BAHCC1: variants seen among roughly 807,000 people sequenced by gnomAD.
BAHCC1 encodes BAH domain and coiled-coil containing 1.
In BAHCC1, 43 loss-of-function variants were observed where a neutral mutation model predicts 88.2. The observed-to-expected ratio is 0.49, with a 90% CI of 0.38 to 0.63. The LOEUF (loss-of-function observed/expected upper bound fraction) is 0.63, where lower values mean the gene tolerates loss of function less well. Ranked by LOEUF, BAHCC1 falls within the 20% of genes least tolerant of loss-of-function variation. The pLI, the probability that BAHCC1 is intolerant of heterozygous loss-of-function variation, is 0.00. For synonymous variants in BAHCC1, 1,510 were observed against 745.5 expected (o/e 2.03, Z -16.71); for missense variants, 3,023 against 1,654.8 (o/e 1.83, Z -14.34).
intron 2 of BAHCC1, among the ~76,000 whole-genome samples, chr17:81,420,587 G>A (rs1555649479): frequency 5.3e-5 from 8 of 152,232 alleles, no homozygotes; most frequent in African/African-American, 7.2e-5. Flanking sequence ...GCTGTCTCCC[G>A]AAACCATTTC....
intron 3 of BAHCC1, 85 bp from the exon 4 acceptor site, chr17:81,438,285 C>CGGCT (rs2064363941): frequency 1.3e-6 from 1 of 747,028 alleles, no homozygotes; most frequent in Non-Finnish European, 2.5e-6. Flanking sequence ...GGCTGCCTGC[C>CGGCT]GGCTTCTTGC....
At position 81,461,379 on chromosome 17, in the gene BAHCC1, G is replaced by A. The variant is rs568303955; in HGVS notation, c.6716G>A (p.Arg2239Gln). ...GDKDFSPKLG[R>Q]PLPSPSYVHP... ...AAGGACTTCAGCCCCAAGCTCGGGC[G>A]GCCCCTGCCCAGCCCCAGCTATGTG... Residue 2239 changes from arginine (R) to glutamine (Q), a missense_variant, in exon 26 of 28, where the codon CGG (arginine) becomes CAG (glutamine). Arg to Gln is a conservative substitution (Grantham distance 43). Coordinates refer to ENST00000675386, the MANE Select transcript of BAHCC1 (RefSeq NM_001377448.1). 1.5e-5 allele frequency: 11 copies of A among 721,658 alleles called. No homozygotes were observed. Among genetic ancestry groups the A allele is most frequent in the African/African-American group, 5.2e-5 (3 of 58,196 alleles). The allele number at this position is 721,658 out of a possible 1,614,324, so 44.7% of individuals were successfully genotyped here.
Position 81,461,913 on chromosome 17 carries a change from A to G in BAHCC1, c.7250A>G (p.Lys2417Arg), listed in dbSNP as rs1555659616. 1.3e-6 allele frequency: 1 copy of G among 748,414 alleles called. No homozygotes were observed. Among genetic ancestry groups the G allele is most frequent in the Non-Finnish European group, 2.5e-6 (1 of 402,956 alleles). The allele number at this position is 748,414 out of a possible 1,614,324, so 46.4% of individuals were successfully genotyped here. A position where few individuals can be genotyped will look rare whatever the true frequency, so the allele number is the denominator to read the frequency against. Reference sequence around the variant, plus strand: ...AGCAGCAAATCCAAGCTCAAGCGCAAAGAGGCCCTGAGCTTCTCCAAAGCC... The same window carrying G: ...AGCAGCAAATCCAAGCTCAAGCGCAGAGAGGCCCTGAGCTTCTCCAAAGCC... ...SSSSKSKLKRKEALSFSKAKE... is the reference protein window; with the variant it reads ...SSSSKSKLKRREALSFSKAKE... Residue 2417 changes from lysine to arginine, a missense_variant, in exon 26 of 28, where the codon AAA becomes AGA. Lys to Arg is a conservative substitution (Grantham distance 26). Coordinates refer to ENST00000675386, the MANE Select transcript of BAHCC1 (RefSeq NM_001377448.1).
Position 81,443,399 on chromosome 17 carries a change from G to T in BAHCC1, c.2050G>T (p.Ala684Ser), listed in dbSNP as rs782206539. 7.8e-6 allele frequency: 6 copies of T among 772,346 alleles called. No individual in the cohort carries two copies. The highest frequency in any genetic ancestry group is 1.2e-5 in the Non-Finnish European group (5 of 414,566). The allele number at this position is 772,346 out of a possible 1,614,324, so 47.8% of individuals were successfully genotyped here. ...AGGCCAGTCGGAGAGGCCGGACTGT[G>T]CCCGCAGCAGGGAGCACGACACCAC... ...GPGQSERPDC[A>S]RSREHDTTHG... Residue 684 changes from alanine (A) to serine (S), a missense_variant, in exon 5 of 28, where the codon GCC (alanine) becomes TCC (serine). Transcript: ENST00000675386.
intron 2 of BAHCC1, among the ~76,000 whole-genome samples, chr17:81,409,018 C>T (rs191247822): frequency 6.6e-6 from 1 of 152,254 alleles, no homozygotes; most frequent in Non-Finnish European, 1.5e-5. Context: ...GGATTTCACC[C>T]CCACACCGGA....
chr17:81,456,133 C>T (rs1157045270), intron 15 of BAHCC1, 164 bp from the exon 16 acceptor site: 3 of 568,434 alleles, frequency 5.3e-6, no homozygotes, highest in South Asian at 2.3e-5. Flanking sequence ...AGGGGCAGGC[C>T]CTGTGTCTCT....
intron 2 of BAHCC1, among the ~76,000 whole-genome samples, chr17:81,407,594 G>A (rs1315581440): frequency 1.2e-4 from 18 of 152,352 alleles, no homozygotes; most frequent in African/African-American, 3.4e-4. Flanking sequence ...GTGGGAGAAG[G>A]GGCTGCGCTG....
At position 81,462,862 on chromosome 17, in the gene BAHCC1, C is replaced by T; in HGVS notation, c.7506C>T (p.Tyr2502=). 1.3e-6 allele frequency: 1 copy of T among 783,458 alleles called. No individual in the cohort carries two copies. Among genetic ancestry groups the T allele is most frequent in the Admixed American group, 1.7e-5 (1 of 59,054 alleles). 48.5% of individuals were successfully genotyped at this position (783,458 alleles called of 1,614,324 possible). A position where few individuals can be genotyped will look rare whatever the true frequency, so the allele number is the denominator to read the frequency against. Reference sequence around the variant, plus strand: ...CAGCTGGGCGGCCCAACCTCCCCTACATCGGCCGCATCGAGAGCATGTGGG... The same window carrying T: ...CAGCTGGGCGGCCCAACCTCCCCTATATCGGCCGCATCGAGAGCATGTGGG... ...FLSAGRPNLP[Y]IGRIESMWES... is the part of the protein sequence containing the mutation. The change falls in exon 27 of 28, where the codon TAC becomes TAT. Residue 2502 remains tyrosine, a synonymous_variant. Coordinates refer to ENST00000675386, the MANE Select transcript of BAHCC1 (RefSeq NM_001377448.1).
In BAHCC1 at chr17:81,447,269, A is replaced by AC; in HGVS notation, c.3402dup (p.Tyr1135LeufsTer80). On this transcript the variant is annotated frameshift_variant, in exon 11 of 28. Coordinates refer to ENST00000675386, the MANE Select transcript of BAHCC1 (RefSeq NM_001377448.1). LOFTEE classifies it high-confidence loss of function. Reference sequence around the variant, plus strand: ...GGAGGCCACCCAGGACCTTGCCGCCACCCCCTACCCTACCGAGCGGGGACC... The same window carrying AC: ...GGAGGCCACCCAGGACCTTGCCGCCACCCCCCTACCCTACCGAGCGGGGACC... 1 of 704,652 alleles carries AC rather than the reference A, an allele frequency of 1.4e-6. No homozygotes were observed. Among genetic ancestry groups the AC allele is most frequent in the Non-Finnish European group, 2.6e-6 (1 of 385,306 alleles). 43.6% of individuals were successfully genotyped at this position (704,652 alleles called of 1,614,324 possible). A position where few individuals can be genotyped will look rare whatever the true frequency, so the allele number is the denominator to read the frequency against.
intron 3 of BAHCC1, among the ~76,000 whole-genome samples, chr17:81,432,885 TC>T (rs1200696970): frequency 0.02 from 82 of 4,048 alleles, 7 homozygotes; most frequent in African/African-American, 0.12. Flanking sequence ...AGGCCCAACC[TC>T]CCCCCCCATC....
At chr17:81,397,492 C>T (rs1024638711) in intron 1 of BAHCC1, among the ~76,000 whole-genome samples, 3 of 152,146 alleles carry the variant, frequency 2.0e-5, no homozygotes, top group Admixed American at 2.0e-4. Flanking sequence ...GCGCAGCCCC[C>T]GGCCCCTCTC....
chr17:81,412,701 T>G (rs1389702998), intron 2 of BAHCC1, among the ~76,000 whole-genome samples: 2 of 152,228 alleles, frequency 1.3e-5, no homozygotes, highest in Non-Finnish European at 2.9e-5. Context: ...CCCCACCCTG[T>G]GGCTCTGTCT....
Position 81,444,269 on chromosome 17 carries a change from G to T in BAHCC1, c.2325-112G>T, listed in dbSNP as rs545692959. 1.3e-3 allele frequency: 831 copies of T among 637,122 alleles called. 11 individuals are homozygous for T. The South Asian group carries it at 0.014, about 11-fold the overall frequency. 39.5% of individuals were successfully genotyped at this position (637,122 alleles called of 1,614,324 possible). A position where few individuals can be genotyped will look rare whatever the true frequency, so the allele number is the denominator to read the frequency against. On this transcript the variant is annotated intron_variant, in intron 6 of 27. Coordinates refer to ENST00000675386, the MANE Select transcript of BAHCC1 (RefSeq NM_001377448.1). ...GGGTGGGACAGGGAGTCAGGCATTG[G>T]CACCGTTGGTGGGGCTGAGCCCCAG...
At position 81,458,961 on chromosome 17, in the gene BAHCC1, C is replaced by T. The variant is rs1555658355; in HGVS notation, c.5597C>T (p.Ala1866Val). Residue 1866 changes from alanine to valine, a missense_variant, in exon 20 of 28, where the codon GCC becomes GTC. Transcript: ENST00000675386. The stretch of plus-strand genomic sequence containing the variant: ...GGCCCTCTGAGCGCAGAGCAGAGCG[C>T]CGCCCTAGGTGAGCAGGGCCAGGAA... ...DSGPLSAEQS[A>V]ALARSCAIHK... is the part of the protein sequence containing the mutation. The T allele has an allele frequency of 2.7e-6, 2 of 738,408 alleles. No individual in the cohort carries two copies. Among genetic ancestry groups the T allele is most frequent in the South Asian group, 1.4e-5 (1 of 69,966 alleles). The allele number at this position is 738,408 out of a possible 1,614,324, so 45.7% of individuals were successfully genotyped here.
intron 14 of BAHCC1, 104 bp downstream of exon 14, chr17:81,452,955 G>T: frequency 1.6e-6 from 1 of 611,570 alleles, no homozygotes. Context: ...GGCTGCTGGT[G>T]CCCCTTCACA....
At position 81,459,542 on chromosome 17, in the gene BAHCC1, C is replaced by T. The variant is rs782425010; in HGVS notation, c.5843C>T (p.Thr1948Met). The T allele has an allele frequency of 1.0e-5, 8 of 779,520 alleles. No individual in the cohort carries two copies. The highest frequency in any genetic ancestry group is 3.4e-5 in the African/African-American group (2 of 59,120). 48.3% of individuals were successfully genotyped at this position (779,520 alleles called of 1,614,324 possible). Residue 1948 changes from threonine to methionine, a missense_variant, in exon 23 of 28, where the codon ACG becomes ATG. Physicochemically the swap from Thr to Met is moderately conservative, Grantham distance 81. Coordinates refer to ENST00000675386, the MANE Select transcript of BAHCC1 (RefSeq NM_001377448.1). ...PQSSRYLPPGTRVCAYWSQKS... is the reference protein window; with the variant it reads ...PQSSRYLPPGMRVCAYWSQKS... ...TCCAGCCGGTACCTCCCGCCCGGCACGCGGGTCTGCGCCTACTGGAGTCAG... is the reference window on the plus strand; with the variant it reads ...TCCAGCCGGTACCTCCCGCCCGGCATGCGGGTCTGCGCCTACTGGAGTCAG...
intron 3 of BAHCC1, among the ~76,000 whole-genome samples, chr17:81,429,414 C>T (rs1047925819): frequency 3.3e-5 from 5 of 152,354 alleles, no homozygotes; most frequent in Middle Eastern, 6.8e-3. Context: ...GCCACGCAGC[C>T]GTGCTCCCCG....
chr17:81,427,731 G>A (rs1248902679), intron 3 of BAHCC1, among the ~76,000 whole-genome samples: 6 of 152,196 alleles, frequency 3.9e-5, no homozygotes, highest in African/African-American at 1.4e-4. Flanking sequence ...AGCTCCCCCC[G>A]CCCCCCGCGG....
chr17:81,451,890 C>A lies in BAHCC1; in HGVS notation c.4179+20C>A, dbSNP rs533765130. 4.2e-5 allele frequency: 29 copies of A among 698,452 alleles called. No homozygotes were observed. The highest frequency in any genetic ancestry group is 6.8e-5 in the Non-Finnish European group (26 of 381,430). 43.3% of individuals were successfully genotyped at this position (698,452 alleles called of 1,614,324 possible). Reference sequence around the variant, plus strand: ...AAGCCTGTGAGTGGAGGTCCCAGTGCCCACGTCGCCCAGTGCGTTGCCACA... The same window carrying A: ...AAGCCTGTGAGTGGAGGTCCCAGTGACCACGTCGCCCAGTGCGTTGCCACA... On this transcript the variant is annotated intron_variant, in intron 12 of 27. Transcript: ENST00000675386.
Sources: gnomAD v4.1 joint callset for allele counts (sites outside exome capture counted in the v4.1 genomes callset) on GRCh38, gnomAD v4.1.1 for gene constraint, MANE v1.5 for transcripts, NCBI Gene and HGNC (gene_info 2026-07-23, HGNC 2026-07-21) for gene names.